ATP8B3: variants seen among roughly 807,000 people sequenced by gnomAD.
ATP8B3 encodes ATPase phospholipid transporting 8B3, also known as phospholipid-transporting ATPase IK.
A neutral mutation model predicts 140.9 loss-of-function variants in ATP8B3; 141 were observed. That is an observed-to-expected ratio of 1.00 (90% CI 0.87 to 1.15). The LOEUF (loss-of-function observed/expected upper bound fraction) is 1.15, where lower values mean the gene tolerates loss of function less well. Ranked by LOEUF, ATP8B3 falls within the 50% of genes most tolerant of loss-of-function variation. The pLI is 0.00. For missense variants in ATP8B3, 1,874 were observed against 1,740.6 expected (o/e 1.08, Z -1.36); for synonymous variants, 765 against 714.6 (o/e 1.07, Z -1.13).
At chr19:1,808,193 G>T (rs563411921) in intron 5 of ATP8B3, 29 bp downstream of exon 5, 18 of 1,548,706 alleles carry the variant, frequency 1.2e-5, no homozygotes, top group Non-Finnish European at 1.2e-5. Context: ...GGCTAGGGGG[G>T]ACTTCCTGGA....
chr19:1,802,103 C>G, intron 11 of ATP8B3, 59 bp from the exon 12 acceptor site: 6 of 1,280,490 alleles, frequency 4.7e-6, no homozygotes, highest in Non-Finnish European at 6.4e-6. Flanking sequence ...CTCACCCACC[C>G]ATCACTCACC....
rs752277631 is a variant in ATP8B3 at position 1,811,773 on chromosome 19, G to C, written c.-37C>G. On this transcript the variant is annotated 5_prime_UTR_variant, in exon 2 of 29. Coordinates refer to ENST00000310127, the MANE Select transcript of ATP8B3 (RefSeq NM_138813.4). ...GGAAAAGGGAGGTTCAGGGCGAAGAGGGGTTTAGGCTGTGGGACGGGGGAG... is the reference window on the plus strand; with the variant it reads ...GGAAAAGGGAGGTTCAGGGCGAAGACGGGTTTAGGCTGTGGGACGGGGGAG... 66 of 1,550,686 alleles carry C rather than the reference G, an allele frequency of 4.3e-5. No individual in the cohort carries two copies. Among genetic ancestry groups the C allele is most frequent in the Non-Finnish European group, 5.5e-5 (64 of 1,153,822 alleles).
chr19:1,788,474 AC>A (rs1352557195), intron 24 of ATP8B3, among the ~76,000 whole-genome samples: 1 of 152,080 alleles, frequency 6.6e-6, no homozygotes, highest in African/African-American at 2.4e-5. Context: ...ACATGGTGAA[AC>A]CCTGTCTCTG....
chr19:1,796,389 T>A, intron 16 of ATP8B3, 124 bp from the exon 17 acceptor site: 1 of 964,546 alleles, frequency 1.0e-6, no homozygotes, highest in Non-Finnish European at 1.5e-6. Flanking sequence ...GACCCCCGCC[T>A]GTACAACCCA....
chr19:1,805,255 G>A lies in ATP8B3; in HGVS notation c.904+119C>T. 1.0e-6 allele frequency: 1 copy of A among 985,710 alleles called. No homozygotes were observed. Among genetic ancestry groups the A allele is most frequent in the Non-Finnish European group, 1.6e-6 (1 of 639,876 alleles). 61.1% of individuals were successfully genotyped at this position (985,710 alleles called of 1,614,324 possible). A position where few individuals can be genotyped will look rare whatever the true frequency, so the allele number is the denominator to read the frequency against. On this transcript the variant is annotated intron_variant, in intron 10 of 28. Coordinates refer to ENST00000310127, the MANE Select transcript of ATP8B3 (RefSeq NM_138813.4). The surrounding 1 kb of genome is among the most constrained non-coding windows in gnomAD (Gnocchi z 5.2). ...CTCCCAAAGTGCTGGGATTCCAGGT[G>A]TGAGCCACTGGGCCTGGCCAGCACC...
Position 1,796,270 on chromosome 19 carries a change from T to G in ATP8B3, c.1754-5A>C, listed in dbSNP as rs1470059273. 1.2e-6 allele frequency: 2 copies of G among 1,603,472 alleles called. No homozygotes were observed. Among genetic ancestry groups the G allele is most frequent in the Non-Finnish European group, 1.7e-6 (2 of 1,176,480 alleles). On this transcript the variant is annotated splice_polypyrimidine_tract_variant and splice_region_variant and intron_variant, in intron 16 of 28. Transcript: ENST00000310127. ...CCGCCTGGTACAACAGCTGGTCTGG[T>G]AGGGAGGGGGGCCATTTTGGGGTCA...
chr19:1,792,119 G>C lies in ATP8B3; in HGVS notation c.2072C>G (p.Thr691Ser), dbSNP rs896345215. Residue 691 changes from threonine to serine, a missense_variant, in exon 19 of 29, where the codon ACC (threonine) becomes AGC (serine). Coordinates refer to ENST00000310127, the MANE Select transcript of ATP8B3 (RefSeq NM_138813.4). ...GTAGGCCAGGCACAGTGTCCGCAGG[G>C]TCTCCTGGGCAAAGGCCTGGGGGCC... ...EEALAAFAQETLRTLCLAYRE... is the reference protein window; with the variant it reads ...EEALAAFAQESLRTLCLAYRE... The C allele has an allele frequency of 4.4e-6, 7 of 1,579,288 alleles. No individual in the cohort carries two copies. Among genetic ancestry groups the C allele is most frequent in the Non-Finnish European group, 6.0e-6 (7 of 1,169,048 alleles).
Position 1,806,114 on chromosome 19 carries a change from T to C in ATP8B3, c.733A>G (p.Lys245Glu). Residue 245 changes from lysine to glutamate, a missense_variant, in exon 8 of 29, where the codon AAG becomes GAG. Around this residue, in one of 3 missense-constraint regions of ATP8B3, gnomAD observed 1,032 missense variants for 963.6 expected, o/e 1.07. Coordinates refer to ENST00000310127, the MANE Select transcript of ATP8B3 (RefSeq NM_138813.4). The surrounding 1 kb of genome is among the most constrained non-coding windows in gnomAD (Gnocchi z 5.6). ...CAGCTCACTGGGACGATGTTGTCCT[T>C]GCGGAGACAGACCACATCCCCCACG... ...LCVGDVVCLR[K>E]DNIVPADMLL... 1 of 1,602,982 alleles carries C rather than the reference T, an allele frequency of 6.2e-7. No individual in the cohort carries two copies.
intron 2 of ATP8B3, among the ~76,000 whole-genome samples, chr19:1,811,274 C>T (rs1244753938): frequency 6.6e-6 from 1 of 152,202 alleles, no homozygotes; most frequent in African/African-American, 2.4e-5. Flanking sequence ...AGACGGACAT[C>T]GTCAGAAGAT....
chr19:1,796,029 C>T (rs1423371872), intron 17 of ATP8B3, 42 bp from the exon 18 acceptor site: 1 of 1,611,684 alleles, frequency 6.2e-7, no homozygotes, highest in Admixed American at 1.7e-5. Context: ...GGCTCCCCGT[C>T]TGCCCGCCCC....
At position 1,805,386 on chromosome 19, in the gene ATP8B3, C is replaced by T; in HGVS notation, c.892G>A (p.Ala298Thr). Residue 298 changes from alanine (A) to threonine (T), a missense_variant, in exon 10 of 29, where the codon GCG becomes ACG. Around this residue, in one of 3 missense-constraint regions of ATP8B3, gnomAD observed 1,032 missense variants for 963.6 expected, o/e 1.07. Coordinates refer to ENST00000310127, the MANE Select transcript of ATP8B3 (RefSeq NM_138813.4). This position sits in a 1 kb window ranked among gnomAD's most constrained non-coding sequence, Gnocchi z 5.2. ...CAACGCCTCTCACCTTGAAAGGACG[C>T]CATCTTCTTTATAGTGGCCAGTTCT... is the stretch of plus-strand genomic sequence containing the variant. The part of the protein sequence containing the change: ...HKELATIKKM[A>T]SFQGTVTCEA... The T allele has an allele frequency of 1.3e-6, 2 of 1,566,248 alleles. No individual in the cohort carries two copies. The highest frequency in any genetic ancestry group is 1.7e-6 in the Non-Finnish European group (2 of 1,153,258).
intron 14 of ATP8B3, 71 bp downstream of exon 14, chr19:1,799,876 C>G (rs1452480217): frequency 3.5e-6 from 5 of 1,439,898 alleles, no homozygotes. Flanking sequence ...AGACGTGGCT[C>G]TGGTTCTCAG....
Position 1,806,294 on chromosome 19 carries a change from C to T in ATP8B3, c.678-125G>A. 1.3e-6 allele frequency: 2 copies of T among 1,490,974 alleles called. No homozygotes were observed. The highest frequency in any genetic ancestry group is 1.4e-5 in the African/African-American group (1 of 72,022). The allele number at this position is 1,490,974 out of a possible 1,614,324, so 92.4% of individuals were successfully genotyped here. On this transcript the variant is annotated intron_variant, in intron 7 of 28. Transcript: ENST00000310127. The surrounding 1 kb of genome is among the most constrained non-coding windows in gnomAD (Gnocchi z 5.6). The stretch of plus-strand genomic sequence containing the variant: ...GTCCCCACCTCCGGGCCTTTGCCCC[C>T]TCAGGAAGCCTTCCCCGGGCTCCCA...
At position 1,782,995 on chromosome 19, in the gene ATP8B3, C is replaced by T; in HGVS notation, c.*33G>A. ...ACACCTGCCCCTGTGGCTGGTGCTT[C>T]TTCTTCCCCAGGAAGGACATCTTCC... On this transcript the variant is annotated 3_prime_UTR_variant, in exon 29 of 29. Coordinates refer to ENST00000310127, the MANE Select transcript of ATP8B3 (RefSeq NM_138813.4). The T allele has an allele frequency of 6.4e-7, 1 of 1,574,328 alleles. No homozygotes were observed. Among genetic ancestry groups the T allele is most frequent in the East Asian group, 2.3e-5 (1 of 42,896 alleles).
rs532298138 is a variant in ATP8B3 at position 1,806,756 on chromosome 19, G to A, written c.616-67C>T. The stretch of plus-strand genomic sequence containing the variant: ...TCCTGCCCCCGCCCAGGCCGCTGCC[G>A]CACTGCAGCCCAGCAGTGCCCGCCC... On this transcript the variant is annotated intron_variant, in intron 6 of 28. Coordinates refer to ENST00000310127, the MANE Select transcript of ATP8B3 (RefSeq NM_138813.4). The surrounding 1 kb of genome is among the most constrained non-coding windows in gnomAD (Gnocchi z 5.6). 63 of 1,509,316 alleles carry A rather than the reference G, an allele frequency of 4.2e-5. No individual in the cohort carries two copies. Among genetic ancestry groups the A allele is most frequent in the East Asian group, 7.4e-5 (3 of 40,632 alleles). 93.5% of individuals were successfully genotyped at this position (1,509,316 alleles called of 1,614,324 possible).
At chr19:1,790,926 C>A in intron 20 of ATP8B3, 94 bp from the exon 21 acceptor site, 2 of 1,100,094 alleles carry the variant, frequency 1.8e-6, no homozygotes, top group Admixed American at 2.2e-5. Flanking sequence ...CTGGCCCGAC[C>A]AATGGCAGCC....
rs1233003903 is a variant in ATP8B3 at position 1,805,337 on chromosome 19, A to G, written c.904+37T>C. 1 of 1,513,504 alleles carries G rather than the reference A, an allele frequency of 6.6e-7. No individual in the cohort carries two copies. 93.8% of individuals were successfully genotyped at this position (1,513,504 alleles called of 1,614,324 possible). On this transcript the variant is annotated intron_variant, in intron 10 of 28. Coordinates refer to ENST00000310127, the MANE Select transcript of ATP8B3 (RefSeq NM_138813.4). This position sits in a 1 kb window ranked among gnomAD's most constrained non-coding sequence, Gnocchi z 5.2. ...ATACCCTAACTTTTAACTTTTACAG[A>G]TTCGAGGGACGTGACTCCCTGCTCA...
At chr19:1,801,925 C>T (rs2068855596) in intron 12 of ATP8B3, 31 bp downstream of exon 12, 3 of 1,545,920 alleles carry the variant, frequency 1.9e-6, no homozygotes, top group Non-Finnish European at 2.7e-6. Context: ...CCTCTGTGTT[C>T]CTGGGGCAGG....
chr19:1,805,045 G>C lies in ATP8B3; in HGVS notation c.904+329C>G, dbSNP rs570496854. 8 of 387,346 alleles carry C rather than the reference G, an allele frequency of 2.1e-5. No individual in the cohort carries two copies. In the Admixed American group the frequency reaches 2.6e-4, roughly 13 times the overall value. 24.0% of individuals were successfully genotyped at this position (387,346 alleles called of 1,614,324 possible). A position where few individuals can be genotyped will look rare whatever the true frequency, so the allele number is the denominator to read the frequency against. On this transcript the variant is annotated intron_variant, in intron 10 of 28. Transcript: ENST00000310127. The surrounding 1 kb of genome is among the most constrained non-coding windows in gnomAD (Gnocchi z 5.2). ...GGCTGAGTGCAGTGATGTGATCACA[G>C]CTCACTGCAGCCTCAGCCTCCCTGA...
Sources: gnomAD v4.1 joint callset for allele counts (sites outside exome capture counted in the v4.1 genomes callset) on GRCh38, gnomAD v4.1.1 for gene constraint, gnomAD v4.1.1 regional missense constraint, Gnocchi (gnomAD v3.1) non-coding constraint, MANE v1.5 for transcripts, NCBI Gene and HGNC (gene_info 2026-07-23, HGNC 2026-07-21) for gene names.